TMEM45A: variants seen among roughly 807,000 people sequenced by gnomAD.
TMEM45A encodes DNA polymerase-transactivated protein 4.
Under a neutral mutation model 32.0 loss-of-function variants are expected in TMEM45A, and 25 were observed. The ratio of observed to expected loss-of-function variants is 0.78; its 90% confidence interval spans 0.57 to 1.09. The LOEUF is 1.09. Ranked by LOEUF, TMEM45A falls within the 50% of genes least tolerant of loss-of-function variation. The pLI, the probability that TMEM45A is intolerant of heterozygous loss-of-function variation, is 0.00. For synonymous variants in TMEM45A, 122 were observed against 114.8 expected (o/e 1.06, Z -0.40); for missense variants, 302 against 325.0 (o/e 0.93, Z 0.54).
At chr3:100,567,518 CAAAAAAAAA>C (rs780009246) in intron 4 of TMEM45A, among the ~76,000 whole-genome samples, 1 of 63,498 alleles carries the variant, frequency 1.6e-5, no homozygotes, top group African/African-American at 5.8e-5. Context: ...ACCATTTCTG[CAAAAAAAAA>C]AAAAAAAAAA....
intron 1 of TMEM45A, among the ~76,000 whole-genome samples, chr3:100,542,992 T>A (rs2148968467): frequency 6.6e-6 from 1 of 152,290 alleles, no homozygotes; most frequent in South Asian, 2.1e-4. Context: ...CATGATGCAC[T>A]ATACCCAGGT....
chr3:100,535,992 C>T (rs1705733301), intron 1 of TMEM45A, among the ~76,000 whole-genome samples: 1 of 152,102 alleles, frequency 6.6e-6, no homozygotes, highest in African/African-American at 2.4e-5. Flanking sequence ...TCTCCTAGAA[C>T]AATGTTTCTT....
At position 100,556,728 on chromosome 3, in the gene TMEM45A, A is replaced by G. The variant is rs765991231; in HGVS notation, c.191-32A>G. ...TCTTCTTGAATTCTATGTAAAGCAGAGTTGCTAAAACTGTGATATGTTTCT... is the reference window on the plus strand; with the variant it reads ...TCTTCTTGAATTCTATGTAAAGCAGGGTTGCTAAAACTGTGATATGTTTCT... On this transcript the variant is annotated intron_variant, in intron 2 of 5. Transcript: ENST00000323523. 10 of 1,578,192 alleles carry G rather than the reference A, an allele frequency of 6.3e-6. No individual in the cohort carries two copies. In the South Asian group the frequency reaches 1.1e-4, roughly 18 times the overall value.
chr3:100,509,437 T>C (rs1708123380), intron 1 of TMEM45A, among the ~76,000 whole-genome samples: 1 of 152,186 alleles, frequency 6.6e-6, no homozygotes, highest in Non-Finnish European at 1.5e-5. Flanking sequence ...TACTGGATAT[T>C]TATCCAAAGG....
At chr3:100,561,585 C>G (rs1706331668) in intron 4 of TMEM45A, among the ~76,000 whole-genome samples, 1 of 152,102 alleles carries the variant, frequency 6.6e-6, no homozygotes, top group Non-Finnish European at 1.5e-5. Flanking sequence ...AATAACCTAG[C>G]CACATCATGC....
chr3:100,575,021 C>T (rs974944000), intron 5 of TMEM45A, among the ~76,000 whole-genome samples: 2 of 152,104 alleles, frequency 1.3e-5, no homozygotes, highest in Non-Finnish European at 2.9e-5. Context: ...TTGATACAGG[C>T]AGGCCAGACT....
rs1706262961 is a variant in TMEM45A at position 100,558,308 on chromosome 3, G to A, written c.404-97G>A. ...CGCCTGCTCTTTTGGACAAATGTGT[G>A]TATGTGTAAAATTCTGTCTACGGAG... On this transcript the variant is annotated intron_variant, in intron 3 of 5. Coordinates refer to ENST00000323523, the MANE Select transcript of TMEM45A (RefSeq NM_018004.3). 17 of 1,445,430 alleles carry A rather than the reference G, an allele frequency of 1.2e-5. No individual in the cohort carries two copies. The South Asian group carries it at 2.1e-4, about 18-fold the overall frequency. 89.5% of individuals were successfully genotyped at this position (1,445,430 alleles called of 1,614,324 possible).
chr3:100,559,850 C>G (rs1706295614), intron 4 of TMEM45A, among the ~76,000 whole-genome samples: 1 of 151,606 alleles, frequency 6.6e-6, no homozygotes, highest in South Asian at 2.1e-4. Flanking sequence ...AATAAATTTT[C>G]AAAAATAAAT....
At chr3:100,558,370 C>G in intron 3 of TMEM45A, 35 bp from the exon 4 acceptor site, 3 of 1,610,104 alleles carry the variant, frequency 1.9e-6, no homozygotes, top group Non-Finnish European at 2.5e-6. Context: ...GTCCTTGGTT[C>G]CACTGAAAAA....
In TMEM45A at chr3:100,540,365, T is replaced by G. The variant is rs575262984; in HGVS notation, c.-3-14844T>G. ...TGAAACCCAATGACATGAAAACAAC[T>G]CAATTAAAAAGTGATCTGAACAGAC... On this transcript the variant is annotated intron_variant, in intron 1 of 5. Coordinates refer to ENST00000323523, the MANE Select transcript of TMEM45A (RefSeq NM_018004.3). 2.7e-4 allele frequency among the ~76,000 whole-genome samples: 41 copies of G among 152,008 alleles called. 1 individual carries two copies. The highest frequency in any genetic ancestry group is 9.9e-4 in the African/African-American group (41 of 41,478).
Position 100,541,692 on chromosome 3 carries a change from G to A in TMEM45A, c.-3-13517G>A, listed in dbSNP as rs1451782531. Reference sequence around the variant, plus strand: ...CTATAGGCAAGTGCCACCATGCCCAGCTAACTTTTTATATTTTTAGTAGAG... The same window carrying A: ...CTATAGGCAAGTGCCACCATGCCCAACTAACTTTTTATATTTTTAGTAGAG... On this transcript the variant is annotated intron_variant, in intron 1 of 5. Transcript: ENST00000323523. Among the ~76,000 whole-genome samples, 4 of 151,964 alleles carry A rather than the reference G, an allele frequency of 2.6e-5. No homozygotes were observed. The East Asian group carries it at 5.8e-4, about 22-fold the overall frequency.
At chr3:100,531,275 C>A (rs1190272967) in intron 1 of TMEM45A, among the ~76,000 whole-genome samples, 1 of 151,934 alleles carries the variant, frequency 6.6e-6, no homozygotes, top group African/African-American at 2.4e-5. Flanking sequence ...CTGACATGTT[C>A]TTTTGTGTGT....
At chr3:100,547,967 T>G (rs1452958003) in intron 1 of TMEM45A, among the ~76,000 whole-genome samples, 2 of 152,244 alleles carry the variant, frequency 1.3e-5, no homozygotes, top group African/African-American at 4.8e-5. Flanking sequence ...AGTTTAGGGT[T>G]CTTGTCATTT....
chr3:100,571,741 C>T (rs1266407047), intron 5 of TMEM45A: 1 of 151,864 alleles, frequency 6.6e-6, no homozygotes, highest in African/African-American at 2.4e-5. Context: ...TAATGCTATC[C>T]CTCCCCCCTA....
At chr3:100,575,802 G>T (rs186746400) in intron 5 of TMEM45A, among the ~76,000 whole-genome samples, 5 of 152,322 alleles carry the variant, frequency 3.3e-5, no homozygotes, top group African/African-American at 1.2e-4. Context: ...CCCTGGAAGG[G>T]GCTAGTAGCA....
intron 1 of TMEM45A, among the ~76,000 whole-genome samples, chr3:100,550,028 C>T (rs1490048495): frequency 2.4e-5 from 3 of 123,408 alleles, no homozygotes; most frequent in African/African-American, 9.6e-5. Flanking sequence ...ACAATAAACA[C>T]ACTCTGGGGA....
At chr3:100,505,566 A>C (rs184575826) in intron 1 of TMEM45A, among the ~76,000 whole-genome samples, 1 of 152,332 alleles carries the variant, frequency 6.6e-6, no homozygotes, top group Non-Finnish European at 1.5e-5. Flanking sequence ...TAGGTGGTCC[A>C]AGGACCTTAC....
At chr3:100,510,308 AC>A (rs1260005577) in intron 1 of TMEM45A, among the ~76,000 whole-genome samples, 2 of 152,082 alleles carry the variant, frequency 1.3e-5, no homozygotes, top group African/African-American at 2.4e-5. Flanking sequence ...TGGGTCCCTG[AC>A]CCCTGACCCC....
intron 5 of TMEM45A, chr3:100,570,906 T>A (rs984218221): frequency 6.6e-6 from 1 of 152,142 alleles, no homozygotes; most frequent in Admixed American, 6.5e-5. Flanking sequence ...TAAATGCACG[T>A]CTTTTCTATG....
Sources: gnomAD v4.1 joint callset for allele counts (sites outside exome capture counted in the v4.1 genomes callset) on GRCh38, gnomAD v4.1.1 for gene constraint, MANE v1.5 for transcripts, NCBI Gene and HGNC (gene_info 2026-07-23, HGNC 2026-07-21) for gene names.